NRDC: variants seen among roughly 807,000 people sequenced by gnomAD.
The protein encoded by NRDC is nardilysin.
NRDC carries 54 observed loss-of-function variants against 147.1 expected under a neutral mutation model. The observed-to-expected ratio is 0.37, with a 90% CI of 0.29 to 0.46. The LOEUF (loss-of-function observed/expected upper bound fraction) is 0.46. Ranked by LOEUF, NRDC falls within the 20% of genes least tolerant of loss-of-function variation. The pLI is 1.00. For missense variants in NRDC, 1,082 were observed against 1,370.6 expected (o/e 0.79, Z 3.33); for synonymous variants, 440 against 482.1 (o/e 0.91, Z 1.14).
In NRDC at chr1:51,864,813, G is replaced by A. The variant is rs148921096; in HGVS notation, c.341+13462C>T. Among the ~76,000 whole-genome samples, 585 of 152,032 alleles carry A rather than the reference G, an allele frequency of 3.8e-3. 1 individual carries two copies. The highest frequency in any genetic ancestry group is 6.4e-3 in the Non-Finnish European group (434 of 67,968). ...CTAAAAATACAAAAATTAGCCAGGC[G>A]TGGTGGTGCATGCCTGTAGTTCCAG... On this transcript the variant is annotated intron_variant, in intron 1 of 30. Coordinates refer to ENST00000352171, the MANE Select transcript of NRDC (RefSeq NM_001101662.2).
chr1:51,839,532 G>A (rs1681161138), intron 2 of NRDC, among the ~76,000 whole-genome samples: 1 of 151,914 alleles, frequency 6.6e-6, no homozygotes, highest in South Asian at 2.1e-4. Flanking sequence ...ATTATCCTCT[G>A]GGTACTCCCT....
rs754360879 is a variant in NRDC at position 51,790,856 on chromosome 1, G to A, written c.3051+44C>T. 4.0e-6 allele frequency: 6 copies of A among 1,492,956 alleles called. No homozygotes were observed. In the South Asian group the frequency reaches 4.6e-5, roughly 11 times the overall value. 92.5% of individuals were successfully genotyped at this position (1,492,956 alleles called of 1,614,324 possible). ...GCCCTGTTAAGATTTGTATCTGGGG[G>A]CTTGTGTGGGCCAAAGGCCAAAAGA... On this transcript the variant is annotated intron_variant, in intron 28 of 30. Coordinates refer to ENST00000352171, the MANE Select transcript of NRDC (RefSeq NM_001101662.2).
chr1:51,818,249 T>C, intron 9 of NRDC, 114 bp from the exon 10 acceptor site: 1 of 646,744 alleles, frequency 1.5e-6, no homozygotes, highest in Non-Finnish European at 2.5e-6. Context: ...AAAGGTTAAG[T>C]ACAATGCAGT....
At chr1:51,852,035 G>C (rs564777241) in intron 1 of NRDC, among the ~76,000 whole-genome samples, 4 of 152,184 alleles carry the variant, frequency 2.6e-5, no homozygotes, top group African/African-American at 9.6e-5. Context: ...AGGTTTTTTG[G>C]TATGCTTTTT....
At chr1:51,801,593 A>G (rs1342673368) in intron 20 of NRDC, among the ~76,000 whole-genome samples, 1 of 152,156 alleles carries the variant, frequency 6.6e-6, no homozygotes, top group East Asian at 1.9e-4. Context: ...TAAGAATACA[A>G]TCATATCATC....
At position 51,813,954 on chromosome 1, in the gene NRDC, A is replaced by G. The variant is rs139579809; in HGVS notation, c.1674+81T>C. ...ATGACAGAATTAAAACTCCACCGACACTTTCAAAAAGAGGAACAATGTCTA... is the reference window on the plus strand; with the variant it reads ...ATGACAGAATTAAAACTCCACCGACGCTTTCAAAAAGAGGAACAATGTCTA... On this transcript the variant is annotated intron_variant, in intron 14 of 30. Coordinates refer to ENST00000352171, the MANE Select transcript of NRDC (RefSeq NM_001101662.2). 5.2e-5 allele frequency: 48 copies of G among 930,236 alleles called. No individual in the cohort carries two copies. The African/African-American group carries it at 7.1e-4, about 14-fold the overall frequency. The allele number at this position is 930,236 out of a possible 1,614,324, so 57.6% of individuals were successfully genotyped here. A position where few individuals can be genotyped will look rare whatever the true frequency, so the allele number is the denominator to read the frequency against.
chr1:51,850,517 T>C (rs538205720), intron 1 of NRDC, among the ~76,000 whole-genome samples: 34 of 152,334 alleles, frequency 2.2e-4, no homozygotes, highest in Non-Finnish European at 1.5e-5. Flanking sequence ...TTAAGTTCTT[T>C]CAAGGGAAAT....
intron 3 of NRDC, among the ~76,000 whole-genome samples, chr1:51,835,586 A>G (rs1680927771): frequency 6.7e-6 from 1 of 149,814 alleles, no homozygotes; most frequent in South Asian, 2.1e-4. Flanking sequence ...CTTGCCTCAG[A>G]TTCCCAAGTA....
At chr1:51,802,597 G>A (rs1241411076) in intron 20 of NRDC, among the ~76,000 whole-genome samples, 2 of 152,138 alleles carry the variant, frequency 1.3e-5, no homozygotes, top group African/African-American at 4.8e-5. Flanking sequence ...TTGGCTTGTT[G>A]CTGATGTCAG....
At chr1:51,844,260 T>C (rs61414058) in intron 1 of NRDC, among the ~76,000 whole-genome samples, 3,964 of 152,202 alleles carry the variant, frequency 0.026, 122 homozygotes, top group South Asian at 0.097. Flanking sequence ...TGTTGAATCC[T>C]TAAACCCTAC....
At chr1:51,823,898 G>T in intron 6 of NRDC, 112 bp from the exon 7 acceptor site, 1 of 615,056 alleles carries the variant, frequency 1.6e-6, no homozygotes, top group East Asian at 2.9e-5. Flanking sequence ...ATAACCCAAG[G>T]GACTCAAGAA....
chr1:51,807,794 T>C (rs1679536151), intron 17 of NRDC, among the ~76,000 whole-genome samples: 1 of 146,926 alleles, frequency 6.8e-6, no homozygotes, highest in Non-Finnish European at 1.5e-5. Flanking sequence ...AGATAATTAA[T>C]ACTTTTTTTT....
intron 27 of NRDC, 140 bp from the exon 28 acceptor site, chr1:51,791,130 A>C (rs912625188): frequency 6.3e-6 from 4 of 637,898 alleles, no homozygotes; most frequent in Non-Finnish European, 8.1e-6. Context: ...GTGTTTTCCC[A>C]GGCCTCAGTA....
rs1680512040 is a variant in NRDC at position 51,827,836 on chromosome 1, G to A, written c.900C>T (p.Ile300=). The A allele has an allele frequency of 2.5e-6, 4 of 1,613,790 alleles. No homozygotes were observed. In the African/African-American group the frequency reaches 5.3e-5, roughly 22 times the overall value. ...WAQFFIHPLM[I]RDAIDREVEA... is the part of the protein sequence containing the mutation. ...CAACTTCACGGTCAATTGCATCTCT[G>A]ATCATTAGTGGGTGGATGAAGAACT... Residue 300 remains isoleucine (I), a synonymous_variant, in exon 5 of 31, where the codon ATC becomes ATT. Transcript: ENST00000352171.
intron 4 of NRDC, among the ~76,000 whole-genome samples, chr1:51,829,646 A>G (rs1488871802): frequency 6.6e-6 from 1 of 152,166 alleles, no homozygotes; most frequent in Non-Finnish European, 1.5e-5. Context: ...TCCTCCTTCT[A>G]CAACTACAAG....
At chr1:51,873,906 C>T (rs760793032) in intron 1 of NRDC, among the ~76,000 whole-genome samples, 14 of 151,712 alleles carry the variant, frequency 9.2e-5, no homozygotes, top group Admixed American at 4.6e-4. Flanking sequence ...TATGCCTTTT[C>T]GACAGGGCGT....
intron 1 of NRDC, among the ~76,000 whole-genome samples, chr1:51,847,515 C>A (rs1271796812): frequency 6.6e-6 from 1 of 152,214 alleles, no homozygotes; most frequent in Non-Finnish European, 1.5e-5. Flanking sequence ...GGTCCCGAGC[C>A]CTGCCCTGCG....
At chr1:51,816,180 A>T (rs1679958512) in intron 11 of NRDC, 132 bp downstream of exon 11, 3 of 422,182 alleles carry the variant, frequency 7.1e-6, no homozygotes, top group Non-Finnish European at 1.3e-5. Context: ...TATTAAAATA[A>T]CTATAATTAA....
intron 1 of NRDC, among the ~76,000 whole-genome samples, chr1:51,843,063 CAAA>C (rs11356852): frequency 7.4e-5 from 5 of 67,986 alleles, no homozygotes; most frequent in African/African-American, 1.2e-4. Flanking sequence ...AAACCTGTCT[CAAA>C]AAAAAAAAAA....
Sources: gnomAD v4.1 joint callset for allele counts (sites outside exome capture counted in the v4.1 genomes callset) on GRCh38, gnomAD v4.1.1 for gene constraint, MANE v1.5 for transcripts, NCBI Gene and HGNC (gene_info 2026-07-23, HGNC 2026-07-21) for gene names.